AFAP1: variants seen among roughly 807,000 people sequenced by gnomAD.
AFAP1 encodes actin filament-associated protein 1.
Under a neutral mutation model 93.9 loss-of-function variants are expected in AFAP1, and 75 were observed. The observed-to-expected ratio is 0.80, with a 90% CI of 0.66 to 0.97. AFAP1 has a LOEUF of 0.97. Ranked by LOEUF, AFAP1 falls within the 50% of genes least tolerant of loss-of-function variation. The pLI, the probability that AFAP1 is intolerant of heterozygous loss-of-function variation, is 0.00. For missense variants in AFAP1, 1,201 were observed against 1,050.8 expected (o/e 1.14, Z -1.98); for synonymous variants, 517 against 430.7 (o/e 1.20, Z -2.48).
intron 4 of AFAP1, among the ~76,000 whole-genome samples, 164 bp downstream of exon 4, chr4:7,855,302 T>C (rs1206330637): frequency 6.6e-6 from 1 of 152,158 alleles, no homozygotes; most frequent in Non-Finnish European, 1.5e-5. Context: ...TCGGTGTCCT[T>C]CTCAAAACCT....
chr4:7,849,107 T>C (rs1470559909), intron 4 of AFAP1, among the ~76,000 whole-genome samples: 4 of 152,166 alleles, frequency 2.6e-5, no homozygotes, highest in African/African-American at 4.8e-5. Context: ...CAAGCAAGTG[T>C]TCTCAAGGGG....
In AFAP1 at chr4:7,793,823, A is replaced by G; in HGVS notation, c.1270T>C (p.Ser424Pro). The part of the protein sequence containing the change: ...NGQEVAVLEA[S>P]SSEDMGRWIG... ...CACCTGCCCATGTCTTCAGAAGAAG[A>G]TGCCTGTTGAAGTGGGAAAAAAGGT... is the stretch of plus-strand genomic sequence containing the variant. Residue 424 changes from serine (S) to proline (P), a missense_variant, in exon 11 of 18, where the codon TCT becomes CCT. Ser to Pro is a moderately conservative substitution (Grantham distance 74). Coordinates refer to ENST00000420658, the MANE Select transcript of AFAP1 (RefSeq NM_001134647.2). 1 of 1,533,176 alleles carries G rather than the reference A, an allele frequency of 6.5e-7. No individual in the cohort carries two copies. Among genetic ancestry groups the G allele is most frequent in the Non-Finnish European group, 8.9e-7 (1 of 1,124,414 alleles). The allele number at this position is 1,533,176 out of a possible 1,614,324, so 95.0% of individuals were successfully genotyped here.
At chr4:7,869,645 T>C (rs1443399860) in intron 2 of AFAP1, among the ~76,000 whole-genome samples, 1 of 152,170 alleles carries the variant, frequency 6.6e-6, no homozygotes, top group Non-Finnish European at 1.5e-5. Flanking sequence ...ACAGTACTAT[T>C]TGTATGCCTA....
intron 8 of AFAP1, among the ~76,000 whole-genome samples, chr4:7,814,982 T>C (rs1396264487): frequency 2.6e-5 from 4 of 152,250 alleles, no homozygotes; most frequent in African/African-American, 4.8e-5. Flanking sequence ...TCTTTCACAC[T>C]AGCCCGAAGG....
intron 10 of AFAP1, among the ~76,000 whole-genome samples, chr4:7,798,174 G>A (rs548375422): frequency 2.8e-5 from 3 of 107,438 alleles, no homozygotes; most frequent in African/African-American, 1.0e-4. Flanking sequence ...TCTACTGGCT[G>A]GCTCACGGCA....
At chr4:7,800,966 A>C (rs1560167234) in intron 9 of AFAP1, among the ~76,000 whole-genome samples, 1 of 152,210 alleles carries the variant, frequency 6.6e-6, no homozygotes. Context: ...GCACGTGAGA[A>C]GTTAGCAAGC....
intron 1 of AFAP1, among the ~76,000 whole-genome samples, chr4:7,928,134 A>G (rs10031245): frequency 0.094 from 14,368 of 152,102 alleles, 1,250 homozygotes; most frequent in East Asian, 0.49. Flanking sequence ...ACGTAATAGC[A>G]ATGCATTCTT....
chr4:7,786,791 C>T (rs974867832), intron 11 of AFAP1, among the ~76,000 whole-genome samples: 6 of 152,240 alleles, frequency 3.9e-5, no homozygotes, highest in Non-Finnish European at 5.9e-5. Context: ...AAGTGTGTTA[C>T]TTCCAGAAGG....
At chr4:7,827,495 C>T (rs1388810596) in intron 6 of AFAP1, among the ~76,000 whole-genome samples, 2 of 137,222 alleles carry the variant, frequency 1.5e-5, no homozygotes, top group South Asian at 2.4e-4. Flanking sequence ...CGCTTGAACC[C>T]GGGAGGTGGA....
At chr4:7,819,232 A>C in intron 6 of AFAP1, 61 bp from the exon 7 acceptor site, 2 of 1,461,676 alleles carry the variant, frequency 1.4e-6, no homozygotes, top group Non-Finnish European at 1.9e-6. Context: ...AAAGGCTTGA[A>C]CTGTGAGTTG....
intron 5 of AFAP1, among the ~76,000 whole-genome samples, chr4:7,840,754 G>T (rs955004995): frequency 6.6e-6 from 1 of 152,154 alleles, no homozygotes; most frequent in Non-Finnish European, 1.5e-5. Flanking sequence ...GACCATTTGA[G>T]ATTTTCTGCA....
intron 7 of AFAP1, 55 bp downstream of exon 7, chr4:7,819,021 G>A (rs1354441589): frequency 1.4e-6 from 2 of 1,426,132 alleles, no homozygotes; most frequent in South Asian, 2.8e-5. Context: ...CTTTGAAAGA[G>A]ACCCCAATCC....
At chr4:7,860,747 C>A (rs967537383) in intron 3 of AFAP1, among the ~76,000 whole-genome samples, 1 of 152,118 alleles carries the variant, frequency 6.6e-6, no homozygotes, top group Admixed American at 6.5e-5. Flanking sequence ...GCGGGCTGAG[C>A]GGACAAGATG....
chr4:7,809,585 C>A (rs774718784), intron 9 of AFAP1, 29 bp downstream of exon 9: 11 of 1,603,748 alleles, frequency 6.9e-6, no homozygotes, highest in Non-Finnish European at 9.4e-6. Context: ...TAGGTGCACG[C>A]TGCTCGTCTC....
In AFAP1 at chr4:7,786,319, A is replaced by G; in HGVS notation, c.1413-8T>C. 6.2e-7 allele frequency: 1 copy of G among 1,607,878 alleles called. No individual in the cohort carries two copies. Among genetic ancestry groups the G allele is most frequent in the Non-Finnish European group, 8.5e-7 (1 of 1,174,298 alleles). On this transcript the variant is annotated splice_region_variant and splice_polypyrimidine_tract_variant and intron_variant, in intron 11 of 17. Transcript: ENST00000420658. Reference sequence around the variant, plus strand: ...ACACGCCTGTTCATGAAACTGAAAGAAAGGAAATGCGTTAAAATCCATAAC... The same window carrying G: ...ACACGCCTGTTCATGAAACTGAAAGGAAGGAAATGCGTTAAAATCCATAAC...
intron 10 of AFAP1, chr4:7,798,823 C>A (rs2149026777): frequency 1.1e-6 from 1 of 945,708 alleles, no homozygotes; most frequent in South Asian, 4.6e-5. Context: ...TCCTGACTTC[C>A]ACCCACCCCC....
intron 1 of AFAP1, among the ~76,000 whole-genome samples, chr4:7,927,828 T>A (rs1217223360): frequency 6.6e-6 from 1 of 152,192 alleles, no homozygotes; most frequent in Non-Finnish European, 1.5e-5. Flanking sequence ...TCTTGTATCA[T>A]CTGAAATATT....
intron 16 of AFAP1, among the ~76,000 whole-genome samples, chr4:7,769,862 A>C (rs1715177104): frequency 6.6e-6 from 1 of 152,258 alleles, no homozygotes; most frequent in African/African-American, 2.4e-5. Context: ...CAGGCAGCCA[A>C]CTTGACCTAT....
intron 17 of AFAP1, among the ~76,000 whole-genome samples, chr4:7,765,855 T>A (rs889741756): frequency 8.6e-5 from 13 of 152,046 alleles, no homozygotes; most frequent in Non-Finnish European, 1.8e-4. Flanking sequence ...CAAAGAGCAA[T>A]TGGGAAGATC....
Sources: gnomAD v4.1 joint callset for allele counts (sites outside exome capture counted in the v4.1 genomes callset) on GRCh38, gnomAD v4.1.1 for gene constraint, MANE v1.5 for transcripts, NCBI Gene and HGNC (gene_info 2026-07-23, HGNC 2026-07-21) for gene names.